The following PHLPP1 variants were observed in gnomAD, a reference collection of about 807,000 sequenced individuals.
PHLPP1 encodes PH domain leucine-rich repeat-containing protein phosphatase 1.
PHLPP1 carries 42 observed loss-of-function variants against 117.2 expected under a neutral mutation model. That is an observed-to-expected ratio of 0.36 (90% CI 0.28 to 0.46). The LOEUF is 0.46. Ranked by LOEUF, PHLPP1 falls within the 20% of genes least tolerant of loss-of-function variation. PHLPP1 has a pLI of 1.00. For synonymous variants in PHLPP1, 1,042 were observed against 970.7 expected (o/e 1.07, Z -1.37); for missense variants, 2,084 against 2,241.9 (o/e 0.93, Z 1.42).
intron 9 of PHLPP1, among the ~76,000 whole-genome samples, chr18:62,915,991 T>C (rs917320628): frequency 6.6e-6 from 1 of 152,168 alleles, no homozygotes; most frequent in Non-Finnish European, 1.5e-5. Context: ...TCAGTGAAAA[T>C]ATTATAGAAG....
At chr18:62,719,164 TTACATA>T (rs1412300023) in intron 1 of PHLPP1, among the ~76,000 whole-genome samples, 1 of 152,200 alleles carries the variant, frequency 6.6e-6, no homozygotes, top group Non-Finnish European at 1.5e-5. Context: ...GAGTATGTGC[TTACATA>T]TACTCAGATG....
chr18:62,902,006 G>A (rs1474457182), intron 6 of PHLPP1, among the ~76,000 whole-genome samples: 1 of 152,052 alleles, frequency 6.6e-6, no homozygotes, highest in Non-Finnish European at 1.5e-5. Flanking sequence ...GGTTTTTGTT[G>A]TTTGTTTTTA....
chr18:62,960,102 A>G lies in PHLPP1; in HGVS notation c.3455+1343A>G, dbSNP rs114705972. On this transcript the variant is annotated intron_variant, in intron 13 of 16. Transcript: ENST00000262719. Reference sequence around the variant, plus strand: ...TTTGAGTATTTTTTATACGTAGGATACAAAAATTTTTGAGCATTTTTTTAC... The same window carrying G: ...TTTGAGTATTTTTTATACGTAGGATGCAAAAATTTTTGAGCATTTTTTTAC... Among the ~76,000 whole-genome samples the G allele has an allele frequency of 4.9e-3, 750 of 152,356 alleles. 4 individuals carry two copies. Among genetic ancestry groups the G allele is most frequent in the African/African-American group, 0.017 (716 of 41,588 alleles).
chr18:62,724,346 C>T (rs928563197), intron 1 of PHLPP1, among the ~76,000 whole-genome samples: 46 of 152,186 alleles, frequency 3.0e-4, no homozygotes, highest in African/African-American at 1.0e-3. Context: ...TTATGGTGAG[C>T]TGTGTGCTTG....
intron 12 of PHLPP1, among the ~76,000 whole-genome samples, chr18:62,946,940 C>G (rs1373086679): frequency 1.3e-5 from 2 of 152,140 alleles, no homozygotes; most frequent in Non-Finnish European, 2.9e-5. Flanking sequence ...GTAGTCCCAG[C>G]TACTCGGGAG....
intron 1 of PHLPP1, among the ~76,000 whole-genome samples, chr18:62,804,299 G>A (rs1201425561): frequency 2.0e-5 from 3 of 152,148 alleles, no homozygotes. Flanking sequence ...GACACGTAAG[G>A]GTTACGATTT....
intron 1 of PHLPP1, among the ~76,000 whole-genome samples, chr18:62,724,385 A>G (rs941817174): frequency 6.6e-6 from 1 of 152,222 alleles, no homozygotes; most frequent in Non-Finnish European, 1.5e-5. Context: ...CAGTAGGAGA[A>G]AAAACATTTT....
chr18:62,931,588 C>T (rs1043645925), intron 10 of PHLPP1, among the ~76,000 whole-genome samples: 8 of 138,610 alleles, frequency 5.8e-5, no homozygotes, highest in Admixed American at 2.3e-4. Context: ...ATAGACTACT[C>T]GCTAGATTAA....
chr18:62,942,065 A>G, intron 11 of PHLPP1, 147 bp downstream of exon 11: 2 of 624,076 alleles, frequency 3.2e-6, no homozygotes, highest in East Asian at 2.8e-5. Flanking sequence ...TATGTAAGCT[A>G]TGATGACATT....
chr18:62,884,627 A>G (rs1916242511), intron 4 of PHLPP1, among the ~76,000 whole-genome samples: 2 of 152,248 alleles, frequency 1.3e-5, no homozygotes, highest in African/African-American at 4.8e-5. Context: ...CTGAAGCCTA[A>G]TAATTTCCAA....
chr18:62,717,347 C>T, intron 1 of PHLPP1, 88 bp downstream of exon 1: 5 of 1,497,074 alleles, frequency 3.3e-6, no homozygotes, highest in Non-Finnish European at 4.4e-6. Context: ...TTGCCCAACC[C>T]AAGAGTAAGT....
At chr18:62,804,237 A>G (rs1004340129) in intron 1 of PHLPP1, among the ~76,000 whole-genome samples, 1 of 152,128 alleles carries the variant, frequency 6.6e-6, no homozygotes, top group African/African-American at 2.4e-5. Context: ...TGAGAACAGC[A>G]TGGGAGAAAC....
At chr18:62,900,433 CTTTTTTTT>C (rs774225759) in intron 6 of PHLPP1, among the ~76,000 whole-genome samples, 12 of 54,264 alleles carry the variant, frequency 2.2e-4, no homozygotes, top group East Asian at 8.7e-4. Flanking sequence ...CTTTTTCTTT[CTTTTTTTT>C]TTTTTTTTTT....
At chr18:62,941,639 G>A in intron 10 of PHLPP1, 79 bp from the exon 11 acceptor site, 1 of 961,350 alleles carries the variant, frequency 1.0e-6, no homozygotes, top group Non-Finnish European at 1.6e-6. Context: ...CTTCTAATAT[G>A]CCTGGTATCA....
chr18:62,717,171 C>T lies in PHLPP1; in HGVS notation c.1488C>T (p.Tyr496=), dbSNP rs535400526. 217 of 1,611,120 alleles carry T rather than the reference C, an allele frequency of 1.3e-4. 3 individuals are homozygous for T. The South Asian group carries it at 2.2e-3, about 17-fold the overall frequency. Residue 496 remains tyrosine, a synonymous_variant, in exon 1 of 17, where the codon TAC becomes TAT. Transcript: ENST00000262719. ...AGCCATTGCAGATCCAAAATGACTA[C>T]CTCTTCCAACTGGGATTTGGGGAGC... ...EEKPLQIQND[Y]LFQLGFGELW... is the part of the protein sequence containing the mutation.
At chr18:62,828,373 C>T (rs1914667268) in intron 1 of PHLPP1, among the ~76,000 whole-genome samples, 1 of 152,236 alleles carries the variant, frequency 6.6e-6, no homozygotes, top group African/African-American at 2.4e-5. Context: ...GGGCTTCCTA[C>T]TCATTTGTGG....
At chr18:62,813,097 T>G (rs1914170258) in intron 1 of PHLPP1, among the ~76,000 whole-genome samples, 1 of 152,228 alleles carries the variant, frequency 6.6e-6, no homozygotes, top group South Asian at 2.1e-4. Context: ...AAGGTTGATT[T>G]TGCAAATTTC....
chr18:62,972,400 G>A (rs574715947), intron 14 of PHLPP1, 114 bp from the exon 15 acceptor site: 3 of 893,926 alleles, frequency 3.4e-6, no homozygotes, highest in Non-Finnish European at 5.1e-6. Flanking sequence ...TAATCTGTCT[G>A]GAGTCATGAA....
At chr18:62,721,802 C>T (rs1910928708) in intron 1 of PHLPP1, among the ~76,000 whole-genome samples, 1 of 152,062 alleles carries the variant, frequency 6.6e-6, no homozygotes, top group Admixed American at 6.6e-5. Context: ...AAATCACCCA[C>T]CTTAAATGAT....
Sources: gnomAD v4.1 joint callset for allele counts (sites outside exome capture counted in the v4.1 genomes callset) on GRCh38, gnomAD v4.1.1 for gene constraint, MANE v1.5 for transcripts, NCBI Gene and HGNC (gene_info 2026-07-23, HGNC 2026-07-21) for gene names.